Variants in CAB39L observed in about 807,000 individuals in gnomAD.
CAB39L encodes calcium-binding protein 39-like.
In CAB39L, 23 loss-of-function variants were observed where a neutral mutation model predicts 39.1. The observed-to-expected ratio is 0.59, with a 90% confidence interval of 0.42 to 0.83. CAB39L has a LOEUF of 0.83. Ranked by LOEUF, CAB39L falls within the 40% of genes least tolerant of loss-of-function variation. The probability of loss-of-function intolerance (pLI) is 0.00; values close to 1 mark genes in which losing one functional copy is unlikely to be tolerated. For missense variants in CAB39L, 366 were observed against 391.9 expected (o/e 0.93, Z 0.56); for synonymous variants, 126 against 137.2 (o/e 0.92, Z 0.57).
chr13:49,352,925 G>C (rs556300609), intron 6 of CAB39L, among the ~76,000 whole-genome samples: 1 of 152,232 alleles, frequency 6.6e-6, no homozygotes, highest in African/African-American at 2.4e-5. Flanking sequence ...CTCTTTATAA[G>C]ATTATAGAAT....
At chr13:49,373,879 T>G (rs774294552) in intron 5 of CAB39L, among the ~76,000 whole-genome samples, 1 of 152,230 alleles carries the variant, frequency 6.6e-6, no homozygotes, top group African/African-American at 2.4e-5. Context: ...GTAGCTTACA[T>G]AGATACTTTA....
At chr13:49,348,107 G>A (rs541993333) in intron 7 of CAB39L, among the ~76,000 whole-genome samples, 2 of 152,232 alleles carry the variant, frequency 1.3e-5, no homozygotes, top group African/African-American at 4.8e-5. Flanking sequence ...CACCCGAGCA[G>A]GCTGCAAACT....
chr13:49,400,689 C>T (rs1024963803), intron 3 of CAB39L, among the ~76,000 whole-genome samples: 1 of 152,084 alleles, frequency 6.6e-6, no homozygotes, highest in Admixed American at 6.6e-5. Flanking sequence ...ACAGTATCAA[C>T]ATTTTTATTT....
rs189384465 is a variant in CAB39L, at chr13:49,395,912, C to T, written c.-31-12971G>A. Among the ~76,000 whole-genome samples, 634 of 152,038 alleles carry T rather than the reference C, an allele frequency of 4.2e-3. 3 individuals carry two copies. Among genetic ancestry groups the T allele is most frequent in the Non-Finnish European group, 6.8e-3 (460 of 67,974 alleles). ...GCATTAAATGCCCTTGTTGTTATCC[C>T]ACTTAAAATATTTCAAAGGGAAAAA... On this transcript the variant is annotated intron_variant, in intron 3 of 10. Transcript: ENST00000409308.
At chr13:49,370,148 G>A (rs1186139331) in intron 5 of CAB39L, among the ~76,000 whole-genome samples, 1 of 151,982 alleles carries the variant, frequency 6.6e-6, no homozygotes, top group Non-Finnish European at 1.5e-5. Context: ...GCCACTGAAT[G>A]GATTAGTGAG....
chr13:49,385,100 T>C (rs529945832), intron 3 of CAB39L, among the ~76,000 whole-genome samples: 263 of 152,370 alleles, frequency 1.7e-3, no homozygotes, highest in Middle Eastern at 3.4e-3. Flanking sequence ...GGGTGTTCCA[T>C]CTACACTGAA....
intron 7 of CAB39L, among the ~76,000 whole-genome samples, chr13:49,349,477 TAC>T (rs1555255021): frequency 6.7e-6 from 1 of 148,628 alleles, no homozygotes; most frequent in African/African-American, 2.4e-5. Context: ...TATATATATA[TAC>T]ATTTAAATGA....
At chr13:49,443,033 T>C (rs1172025349) in intron 1 of CAB39L, among the ~76,000 whole-genome samples, 1 of 132,950 alleles carries the variant, frequency 7.5e-6, no homozygotes, top group South Asian at 2.3e-4. Context: ...TCAGATCCAA[T>C]ACATTTTCCC....
chr13:49,428,567 A>G (rs1957275583), intron 3 of CAB39L, among the ~76,000 whole-genome samples: 1 of 152,262 alleles, frequency 6.6e-6, no homozygotes, highest in African/African-American at 2.4e-5. Context: ...TGGCTTGGCA[A>G]TTCCAGGCAG....
chr13:49,386,919 T>A (rs576507590), intron 3 of CAB39L, among the ~76,000 whole-genome samples: 36 of 152,110 alleles, frequency 2.4e-4, no homozygotes, highest in African/African-American at 8.4e-4. Flanking sequence ...TTTCTCACAC[T>A]CTGGGCGACC....
chr13:49,401,304 A>T (rs1956763986), intron 3 of CAB39L: 1 of 152,224 alleles, frequency 6.6e-6, no homozygotes. Context: ...AAGAGTTTCC[A>T]CAATTAGGTC....
intron 3 of CAB39L, among the ~76,000 whole-genome samples, chr13:49,418,406 G>C (rs1957119227): frequency 6.6e-6 from 1 of 152,096 alleles, no homozygotes; most frequent in Admixed American, 6.5e-5. Context: ...GACTGCTAAG[G>C]GTTACAGAGC....
At chr13:49,326,711 G>T (rs1363912341) in intron 10 of CAB39L, among the ~76,000 whole-genome samples, 7 of 152,180 alleles carry the variant, frequency 4.6e-5, no homozygotes, top group Non-Finnish European at 1.0e-4. Context: ...GGCAGGCCAA[G>T]TTACACACAT....
At chr13:49,360,162 AG>A (rs1225267046) in intron 5 of CAB39L, among the ~76,000 whole-genome samples, 2 of 152,230 alleles carry the variant, frequency 1.3e-5, no homozygotes, top group Admixed American at 6.5e-5. Context: ...CCTTTATGCA[AG>A]AAAAAAATTA....
chr13:49,348,780 T>C (rs1955255192), intron 7 of CAB39L, among the ~76,000 whole-genome samples: 1 of 152,206 alleles, frequency 6.6e-6, no homozygotes, highest in Non-Finnish European at 1.5e-5. Context: ...CCTGGTTGCC[T>C]TTATAGATCG....
At chr13:49,442,293 C>T (rs1957537302) in intron 1 of CAB39L, among the ~76,000 whole-genome samples, 1 of 152,076 alleles carries the variant, frequency 6.6e-6, no homozygotes, top group Admixed American at 6.5e-5. Context: ...ATTCTTCTAC[C>T]ATTAGATATT....
rs111906102 is a variant in CAB39L at position 49,355,764 on chromosome 13, A to AAT, written c.395+3948_395+3949dup. On this transcript the variant is annotated intron_variant, in intron 6 of 10. Transcript: ENST00000409308. Reference sequence around the variant, plus strand: ...GAGTGTGTGTCTCTGTACATATATAAATATATATATATATTTATACACACA... The same window carrying AAT: ...GAGTGTGTGTCTCTGTACATATATAAATATATATATATATATTTATACACACA... Among the ~76,000 whole-genome samples, 1,206 of 150,946 alleles carry AAT rather than the reference A, an allele frequency of 8.0e-3. 22 individuals carry two copies. The highest frequency in any genetic ancestry group is 0.028 in the African/African-American group (1,148 of 41,156).
In CAB39L at chr13:49,418,679, C is replaced by T. The variant is rs191039219; in HGVS notation, c.-32+14639G>A. On this transcript the variant is annotated intron_variant, in intron 3 of 10. Transcript: ENST00000409308. ...CCCCTCCTAGGTTCAAGCGATTCTT[C>T]TGCCTCCTGAGTAGCTGGGATTACA... Among the ~76,000 whole-genome samples the T allele has an allele frequency of 3.9e-5, 6 of 152,214 alleles. No individual in the cohort carries two copies. In the East Asian group the frequency reaches 1.2e-3, roughly 29 times the overall value.
Position 49,392,369 on chromosome 13 carries a change from TGGTTCAC to T in CAB39L, c.-31-9435_-31-9429del, listed in dbSNP as rs1191499601. On this transcript the variant is annotated intron_variant, in intron 3 of 10. Transcript: ENST00000409308. ...TGAAAGGAAACAGAGGAACAGGCGG[TGGTTCAC>T]GCCTGTAATCCCAGCACTCTGGGAG... 3.5e-3 allele frequency among the ~76,000 whole-genome samples: 491 copies of T among 141,916 alleles called. 4 individuals carry two copies. Among genetic ancestry groups the T allele is most frequent in the African/African-American group, 0.014 (471 of 33,966 alleles). The allele number at this position is 141,916 out of a possible 152,430, so 93.1% of individuals were successfully genotyped here. A position where few individuals can be genotyped will look rare whatever the true frequency, so the allele number is the denominator to read the frequency against.
Sources: gnomAD v4.1 joint callset for allele counts (sites outside exome capture counted in the v4.1 genomes callset) on GRCh38, gnomAD v4.1.1 for gene constraint, MANE v1.5 for transcripts, NCBI Gene and HGNC (gene_info 2026-07-23, HGNC 2026-07-21) for gene names.